The following TNR variants were observed in gnomAD, a reference collection of about 807,000 sequenced individuals.
TNR encodes tenascin-R.
In TNR, 45 loss-of-function variants were observed where a neutral mutation model predicts 150.4. The ratio of observed to expected loss-of-function variants is 0.30; its 90% CI spans 0.24 to 0.38. The LOEUF (loss-of-function observed/expected upper bound fraction) is 0.38, where lower values mean the gene tolerates loss of function less well. Ranked by LOEUF, TNR falls within the 10% of genes least tolerant of loss-of-function variation. The pLI, the probability that TNR is intolerant of heterozygous loss-of-function variation, is 1.00. For missense variants in TNR, 1,544 were observed against 1,759.1 expected (o/e 0.88, Z 2.19); for synonymous variants, 687 against 678.4 (o/e 1.01, Z -0.20).
In TNR at chr1:175,366,259, A is replaced by G. The variant is rs544493512; in HGVS notation, c.2054-121T>C. ...TGCTGACTATGAGCACTAGCTTGTC[A>G]TTGCTGACACTTATCTAATATTTTG... On this transcript the variant is annotated intron_variant, in intron 10 of 22. Coordinates refer to ENST00000367674, the MANE Select transcript of TNR (RefSeq NM_003285.3). 2.1e-5 allele frequency: 23 copies of G among 1,080,180 alleles called. No individual in the cohort carries two copies. The East Asian group carries it at 5.7e-4, about 27-fold the overall frequency. The allele number at this position is 1,080,180 out of a possible 1,614,324, so 66.9% of individuals were successfully genotyped here. A position where few individuals can be genotyped will look rare whatever the true frequency, so the allele number is the denominator to read the frequency against.
At chr1:175,423,805 T>C (rs965461083) in intron 2 of TNR, among the ~76,000 whole-genome samples, 1 of 151,906 alleles carries the variant, frequency 6.6e-6, no homozygotes, top group Non-Finnish European at 1.5e-5. Context: ...GCAGCTAGGG[T>C]CAACTGAAAC....
chr1:175,463,719 C>T (rs1197962121), intron 2 of TNR, among the ~76,000 whole-genome samples: 1 of 152,188 alleles, frequency 6.6e-6, no homozygotes, highest in Non-Finnish European at 1.5e-5. Flanking sequence ...CAAGGGAGAA[C>T]AGAGTTACCA....
chr1:175,489,485 C>A lies in TNR; in HGVS notation c.-64+38784G>T, dbSNP rs74127313. Among the ~76,000 whole-genome samples, 481 of 152,290 alleles carry A rather than the reference C, an allele frequency of 3.2e-3. 1 individual carries two copies. The highest frequency in any genetic ancestry group is 0.011 in the African/African-American group (459 of 41,560). On this transcript the variant is annotated intron_variant, in intron 2 of 22. Transcript: ENST00000367674. ...ATGGTTGCTGAGCCAAGCTGGACAG[C>A]GTGTGATTTCCTTCAGAAGGGCTAA... is the stretch of plus-strand genomic sequence containing the variant.
At chr1:175,478,435 C>G (rs769421544) in intron 2 of TNR, among the ~76,000 whole-genome samples, 1 of 152,134 alleles carries the variant, frequency 6.6e-6, no homozygotes, top group South Asian at 2.1e-4. Flanking sequence ...GACAAAATTA[C>G]CCCAGCTCTC....
At chr1:175,379,760 A>G (rs774991931) in intron 8 of TNR, 23 bp from the exon 9 acceptor site, 1 of 1,612,290 alleles carries the variant, frequency 6.2e-7, no homozygotes, top group South Asian at 1.1e-5. Context: ...AGACATCACC[A>G]ACATCGCACA....
chr1:175,358,201 G>C (rs182839124), intron 15 of TNR, among the ~76,000 whole-genome samples: 1 of 152,158 alleles, frequency 6.6e-6, no homozygotes, highest in Non-Finnish European at 1.5e-5. Context: ...AGAGGGGTTA[G>C]GACATACCCA....
At chr1:175,471,233 T>A (rs1657273242) in intron 2 of TNR, among the ~76,000 whole-genome samples, 1 of 152,220 alleles carries the variant, frequency 6.6e-6, no homozygotes, top group Non-Finnish European at 1.5e-5. Context: ...GCTTGTTGCA[T>A]CACAGCTTGT....
intron 6 of TNR, among the ~76,000 whole-genome samples, chr1:175,392,492 T>C (rs859445): frequency 0.02 from 3,069 of 152,332 alleles, 112 homozygotes; most frequent in African/African-American, 0.071. Context: ...ATATTGGGTA[T>C]AGGTAACAGG....
intron 1 of TNR, among the ~76,000 whole-genome samples, chr1:175,704,041 A>C (rs1666774354): frequency 6.6e-6 from 1 of 152,174 alleles, no homozygotes; most frequent in South Asian, 2.1e-4. Context: ...ATATAATTAA[A>C]ATGTAGTGAA....
At chr1:175,400,466 T>C (rs1653656581) in intron 4 of TNR, among the ~76,000 whole-genome samples, 1 of 152,216 alleles carries the variant, frequency 6.6e-6, no homozygotes, top group African/African-American at 2.4e-5. Context: ...TTTGTTCTAT[T>C]ATCTGTACAT....
chr1:175,566,705 C>G (rs1661658231), intron 1 of TNR, among the ~76,000 whole-genome samples: 1 of 152,230 alleles, frequency 6.6e-6, no homozygotes, highest in African/African-American at 2.4e-5. Context: ...GATGGCCAGG[C>G]AGCTGCTGAA....
rs78267661 is a variant in TNR at position 175,701,425 on chromosome 1, A to T, written c.-165+41801T>A. On this transcript the variant is annotated intron_variant, in intron 1 of 22. Transcript: ENST00000367674. Reference sequence around the variant, plus strand: ...ACAAACAAACAAAAAACACCTTCCAAAGGCAGGGCCATTGACAGGAAAGTC... The same window carrying T: ...ACAAACAAACAAAAAACACCTTCCATAGGCAGGGCCATTGACAGGAAAGTC... 7.2e-3 allele frequency among the ~76,000 whole-genome samples: 1,093 copies of T among 152,288 alleles called. 15 individuals are homozygous for T. The highest frequency in any genetic ancestry group is 0.025 in the African/African-American group (1,037 of 41,560).
rs1251503155 is a variant in TNR, at chr1:175,330,202, C to A, written c.3665G>T (p.Gly1222Val). The A allele has an allele frequency of 6.2e-7, 1 of 1,609,306 alleles. No individual in the cohort carries two copies. The change falls in exon 21 of 23, where the codon GGC (glycine) becomes GTC (valine). Residue 1222 changes from glycine (G) to valine (V), a missense_variant. By Grantham distance (109) the Gly-to-Val change is moderately radical. Coordinates refer to ENST00000367674, the MANE Select transcript of TNR (RefSeq NM_003285.3). The stretch of plus-strand genomic sequence containing the variant: ...CATGTCCACGCGCAGCTCATAGCGG[C>A]CCTGGGATGTGATCCTGTGTATATT... Reference protein sequence around the residue: ...LDNIHRITSQGRYELRVDMRD... With the variant: ...LDNIHRITSQVRYELRVDMRD...
At chr1:175,353,852 T>TTTTA (rs1553207232) in intron 18 of TNR, among the ~76,000 whole-genome samples, 1 of 13,438 alleles carries the variant, frequency 7.4e-5, no homozygotes, top group Non-Finnish European at 1.6e-4. Flanking sequence ...TTTTTATTTA[T>TTTTA]TTTTTTTTTT....
At chr1:175,637,814 G>C (rs1240204588) in intron 1 of TNR, among the ~76,000 whole-genome samples, 1 of 152,170 alleles carries the variant, frequency 6.6e-6, no homozygotes, top group Non-Finnish European at 1.5e-5. Context: ...TCAGCTGTGA[G>C]TTTGGATTAG....
At chr1:175,696,239 T>G (rs1315667820) in intron 1 of TNR, among the ~76,000 whole-genome samples, 3 of 146,732 alleles carry the variant, frequency 2.0e-5, no homozygotes, top group African/African-American at 5.3e-5. Flanking sequence ...TTTTTTTTTT[T>G]TTTTTCCAAA....
intron 8 of TNR, among the ~76,000 whole-genome samples, chr1:175,380,497 G>A (rs1206454118): frequency 1.3e-5 from 2 of 150,472 alleles, no homozygotes; most frequent in African/African-American, 4.9e-5. Flanking sequence ...TGTGAACCCG[G>A]GAGGCGGAGC....
intron 18 of TNR, among the ~76,000 whole-genome samples, chr1:175,340,896 C>T (rs930881929): frequency 1.1e-4 from 17 of 152,192 alleles, no homozygotes; most frequent in East Asian, 3.8e-4. Flanking sequence ...TTCCCTCTCC[C>T]CCTCTTTCCC....
At chr1:175,688,089 A>G (rs1666255390) in intron 1 of TNR, among the ~76,000 whole-genome samples, 1 of 152,244 alleles carries the variant, frequency 6.6e-6, no homozygotes, top group African/African-American at 2.4e-5. Flanking sequence ...AGCGTCTCAC[A>G]TAGAGGAAAC....
Sources: allele counts gnomAD v4.1 joint callset (sites outside exome capture counted in the v4.1 genomes callset), GRCh38; gene constraint gnomAD v4.1.1; transcripts MANE v1.5; gene names NCBI Gene and HGNC (gene_info 2026-07-23, HGNC 2026-07-21).